NHSL1: variants seen among roughly 807,000 people sequenced by gnomAD.
NHSL1 encodes the protein NHS-like protein 1.
A neutral mutation model predicts 95.0 loss-of-function variants in NHSL1; 48 were observed. That is an observed-to-expected ratio of 0.51 (90% confidence interval 0.40 to 0.64). NHSL1 has a LOEUF of 0.64. Among genes scored for constraint, NHSL1 ranks in the 30% least tolerant of loss-of-function variants. The probability of loss-of-function intolerance (pLI) is 0.00; values close to 1 mark genes in which losing one functional copy is unlikely to be tolerated. For synonymous variants in NHSL1, 783 were observed against 833.9 expected, an observed-to-expected ratio of 0.94 and a Z score of 1.05; for missense variants, 1,971 against 2,077.7, an observed-to-expected ratio of 0.95 and a Z score of 1.00.
intron 1 of NHSL1, among the ~76,000 whole-genome samples, chr6:138,609,341 T>A (rs1023204471): frequency 6.6e-6 from 1 of 152,180 alleles, no homozygotes; most frequent in Non-Finnish European, 1.5e-5. Flanking sequence ...TTGGGAAAGC[T>A]GGCAATGCAC....
chr6:138,470,689 T>C (rs984098898), intron 3 of NHSL1: 2 of 152,144 alleles, frequency 1.3e-5, no homozygotes, highest in Non-Finnish European at 2.9e-5. Flanking sequence ...AGAGACCAAA[T>C]ATAGGAAAGC....
intron 1 of NHSL1, among the ~76,000 whole-genome samples, chr6:138,585,369 T>G: frequency 6.6e-6 from 1 of 152,194 alleles, no homozygotes; most frequent in East Asian, 1.9e-4. Flanking sequence ...AGTGACCAAC[T>G]TGTGTCATTT....
chr6:138,684,430 A>G (rs1785555897), intron 1 of NHSL1, among the ~76,000 whole-genome samples: 1 of 151,550 alleles, frequency 6.6e-6, no homozygotes, highest in Admixed American at 6.6e-5. Context: ...GGCGGATCAC[A>G]AGGTCAGGAG....
chr6:138,454,108 G>A lies in NHSL1; in HGVS notation c.340-6915C>T, dbSNP rs1393825734. Among the ~76,000 whole-genome samples, 15 of 151,990 alleles carry A rather than the reference G, an allele frequency of 9.9e-5. No homozygotes were observed. In the East Asian group the frequency reaches 2.9e-3, roughly 29 times the overall value. ...ACTAAAAACCTGCATCTCCCTCCAT[G>A]CCCCATCCCATCTCCCTACTTCCCC... On this transcript the variant is annotated intron_variant, in intron 3 of 7. Transcript: ENST00000343505.
At chr6:138,471,459 G>T (rs1055714760) in intron 3 of NHSL1, among the ~76,000 whole-genome samples, 1 of 152,080 alleles carries the variant, frequency 6.6e-6, no homozygotes, top group African/African-American at 2.4e-5. Flanking sequence ...CAAAATTAAG[G>T]TTCAGATTAA....
chr6:138,464,087 G>A (rs529410260), intron 3 of NHSL1: 40 of 448,896 alleles, frequency 8.9e-5, no homozygotes, highest in Middle Eastern at 6.6e-4. Context: ...GATGGTGGCC[G>A]CGCACGAGGT....
chr6:138,462,285 G>C (rs899269178), intron 3 of NHSL1, among the ~76,000 whole-genome samples: 2 of 152,172 alleles, frequency 1.3e-5, no homozygotes, highest in African/African-American at 4.8e-5. Flanking sequence ...AAACATGGTG[G>C]AGATGATCAA....
intron 1 of NHSL1, among the ~76,000 whole-genome samples, chr6:138,578,722 G>A (rs7773323): frequency 0.26 from 39,317 of 151,282 alleles, 8,448 homozygotes; most frequent in African/African-American, 0.6. Context: ...ATTGTATTAA[G>A]CACTTAAAAT....
intron 1 of NHSL1, among the ~76,000 whole-genome samples, chr6:138,523,207 T>C (rs944472786): frequency 2.0e-5 from 3 of 152,106 alleles, no homozygotes; most frequent in Non-Finnish European, 4.4e-5. Context: ...TTTTCTGTAT[T>C]TATGAGAAAA....
In NHSL1 at chr6:138,432,135, C is replaced by G. The variant is rs762058595; in HGVS notation, c.2210G>C (p.Arg737Pro). 1.9e-6 allele frequency: 3 copies of G among 1,549,344 alleles called. No homozygotes were observed. The highest frequency in any genetic ancestry group is 1.7e-6 in the Non-Finnish European group (2 of 1,145,692). ...DLEEPWLPRS[R>P]SQSTVSAGSS... ...GCCAGCACTAACTGTGCTCTGGCTC[C>G]GGGAGCGGGGCAGCCAGGGCTCTTC... is the stretch of plus-strand genomic sequence containing the variant. Residue 737 changes from arginine (R) to proline (P), a missense_variant, in exon 6 of 8, where the codon CGG becomes CCG. Arg to Pro is a moderately radical substitution (Grantham distance 103). Around this residue, in one of 3 missense-constraint regions of NHSL1, gnomAD observed 1,602 missense variants for 1,654.5 expected, o/e 0.97. Coordinates refer to ENST00000343505, the MANE Select transcript of NHSL1 (RefSeq NM_001144060.2). The surrounding 1 kb of genome is among the most constrained non-coding windows in gnomAD (Gnocchi z 4.4).
chr6:138,511,902 T>C (rs940937450), intron 1 of NHSL1, among the ~76,000 whole-genome samples: 3 of 152,330 alleles, frequency 2.0e-5, no homozygotes, highest in Admixed American at 2.0e-4. Context: ...AGCGAGATCC[T>C]GTCTTGAAAA....
At chr6:138,460,500 C>T (rs540265791) in intron 3 of NHSL1, among the ~76,000 whole-genome samples, 1 of 151,440 alleles carries the variant, frequency 6.6e-6, no homozygotes, top group East Asian at 1.9e-4. Flanking sequence ...ATTCCCTAAA[C>T]AATACAGTAT....
intron 3 of NHSL1, among the ~76,000 whole-genome samples, chr6:138,466,860 G>C (rs1342371135): frequency 6.6e-6 from 1 of 151,954 alleles, no homozygotes; most frequent in South Asian, 2.1e-4. Context: ...AAGGCGGGTG[G>C]ATCACCTGAG....
chr6:138,435,618 A>G (rs1183244307), intron 5 of NHSL1, among the ~76,000 whole-genome samples: 3 of 152,246 alleles, frequency 2.0e-5, no homozygotes, highest in Non-Finnish European at 4.4e-5. Context: ...CACAGTATAA[A>G]AAGTTTCAGA....
chr6:138,648,408 G>T (rs995153067), intron 1 of NHSL1, among the ~76,000 whole-genome samples: 1 of 150,930 alleles, frequency 6.6e-6, no homozygotes, highest in Admixed American at 6.6e-5. Context: ...TCTAGGCAAG[G>T]CTTAGCTGAA....
At chr6:138,568,014 G>A (rs1783683499) in intron 1 of NHSL1, among the ~76,000 whole-genome samples, 1 of 152,070 alleles carries the variant, frequency 6.6e-6, no homozygotes, top group South Asian at 2.1e-4. Context: ...ACCTCTTTTA[G>A]TTTTATTTGA....
rs1415211603 is a variant in NHSL1 at position 138,430,119 on chromosome 6, T to C, written c.3952+274A>G. 6.6e-6 allele frequency among the ~76,000 whole-genome samples: 1 copy of C among 152,172 alleles called. No homozygotes were observed. Among genetic ancestry groups the C allele is most frequent in the Non-Finnish European group, 1.5e-5 (1 of 68,024 alleles). On this transcript the variant is annotated intron_variant, in intron 6 of 7. Transcript: ENST00000343505. The surrounding 1 kb of genome is among the most constrained non-coding windows in gnomAD (Gnocchi z 4.7). Reference sequence around the variant, plus strand: ...TGCGCGGCTCTTCGGAAGGGAGGTGTTACCCATTGCTATTTAATACCCAGC... The same window carrying C: ...TGCGCGGCTCTTCGGAAGGGAGGTGCTACCCATTGCTATTTAATACCCAGC...
intron 1 of NHSL1, among the ~76,000 whole-genome samples, chr6:138,649,501 G>A (rs1227544371): frequency 2.0e-5 from 3 of 151,338 alleles, no homozygotes; most frequent in South Asian, 2.1e-4. Flanking sequence ...AGGAGATGGG[G>A]TCAAATCTTA....
intron 1 of NHSL1, among the ~76,000 whole-genome samples, chr6:138,565,035 A>G (rs1053611715): frequency 2.0e-5 from 3 of 152,106 alleles, no homozygotes; most frequent in Non-Finnish European, 4.4e-5. Context: ...ACGCCATGTA[A>G]AGTGATGTAA....
Sources: gnomAD v4.1 joint callset for allele counts (sites outside exome capture counted in the v4.1 genomes callset) on GRCh38, gnomAD v4.1.1 for gene constraint, gnomAD v4.1.1 regional missense constraint, Gnocchi (gnomAD v3.1) non-coding constraint, MANE v1.5 for transcripts, NCBI Gene and HGNC (gene_info 2026-07-23, HGNC 2026-07-21) for gene names.